Variants in CDK14 observed in about 807,000 individuals in gnomAD.
The protein encoded by CDK14 is cyclin dependent kinase 14.
In CDK14, 34 loss-of-function variants were observed where a neutral mutation model predicts 60.7. The observed-to-expected ratio is 0.56, with a 90% CI of 0.43 to 0.75. The LOEUF (loss-of-function observed/expected upper bound fraction) is 0.75, where lower values mean the gene tolerates loss of function less well. CDK14 is among the 30% of genes least tolerant of loss of function. The pLI, the probability that CDK14 is intolerant of heterozygous loss-of-function variation, is 0.00. For missense variants in CDK14, 482 were observed against 564.1 expected (o/e 0.85, Z 1.47); for synonymous variants, 197 against 203.7 (o/e 0.97, Z 0.28).
intron 9 of CDK14, among the ~76,000 whole-genome samples, chr7:90,968,747 A>T (rs1175159049): frequency 1.3e-5 from 2 of 152,160 alleles, no homozygotes; most frequent in African/African-American, 4.8e-5. Context: ...TGACCATTTT[A>T]TAACCTCTGA....
chr7:90,726,952 A>G (rs1802659458), intron 3 of CDK14, 140 bp downstream of exon 3: 1 of 951,114 alleles, frequency 1.1e-6, no homozygotes, highest in Admixed American at 2.6e-5. Context: ...AATGTTTTGG[A>G]AGAGAGAGAG....
chr7:90,788,371 C>G lies in CDK14; in HGVS notation c.465-2202C>G, dbSNP rs1001201321. Among the ~76,000 whole-genome samples the G allele has an allele frequency of 3.8e-4, 58 of 152,182 alleles. 1 individual carries two copies. Among genetic ancestry groups the G allele is most frequent in the African/African-American group, 1.4e-3 (57 of 41,444 alleles). ...TGAAGTGAAGAGTACAAGGTGCAGTCTCCAGCTGAACCCCATGTGCATAGT... is the reference window on the plus strand; with the variant it reads ...TGAAGTGAAGAGTACAAGGTGCAGTGTCCAGCTGAACCCCATGTGCATAGT... On this transcript the variant is annotated intron_variant, in intron 4 of 14. Transcript: ENST00000380050.
intron 2 of CDK14, among the ~76,000 whole-genome samples, chr7:90,637,355 A>G (rs1800178839): frequency 6.6e-6 from 1 of 152,008 alleles, no homozygotes; most frequent in Admixed American, 6.6e-5. Context: ...TGTTGGTTTC[A>G]AAGAACATCT....
intron 8 of CDK14, among the ~76,000 whole-genome samples, chr7:90,940,925 T>A (rs996737264): frequency 6.6e-6 from 1 of 152,080 alleles, no homozygotes; most frequent in African/African-American, 2.4e-5. Flanking sequence ...TTCTGAAAAA[T>A]AACCAATGGC....
intron 4 of CDK14, among the ~76,000 whole-genome samples, chr7:90,756,228 A>C (rs1365646338): frequency 6.6e-6 from 1 of 152,228 alleles, no homozygotes; most frequent in Non-Finnish European, 1.5e-5. Context: ...AAATAGAAGC[A>C]AACACTATTT....
intron 9 of CDK14, among the ~76,000 whole-genome samples, 158 bp from the exon 10 acceptor site, chr7:90,983,990 C>T (rs1443527300): frequency 6.6e-6 from 1 of 152,168 alleles, no homozygotes; most frequent in East Asian, 1.9e-4. Flanking sequence ...AACAAACCTG[C>T]ACGTGTACCC....
At chr7:91,027,472 A>G (rs1470474355) in intron 10 of CDK14, among the ~76,000 whole-genome samples, 2 of 151,928 alleles carry the variant, frequency 1.3e-5, no homozygotes, top group African/African-American at 2.4e-5. Context: ...CTCATTTTCA[A>G]CTCTATGTAA....
chr7:90,996,113 T>A (rs1298030067), intron 10 of CDK14, among the ~76,000 whole-genome samples: 2 of 152,186 alleles, frequency 1.3e-5, no homozygotes, highest in Non-Finnish European at 2.9e-5. Context: ...TCCCTTATAA[T>A]GAGGATATTC....
intron 11 of CDK14, among the ~76,000 whole-genome samples, chr7:91,073,249 G>C (rs776633576): frequency 2.6e-5 from 4 of 152,124 alleles, no homozygotes; most frequent in Non-Finnish European, 5.9e-5. Flanking sequence ...GTTAAGGGCA[G>C]CCAGAGAGAA....
At chr7:90,604,886 T>C (rs1357531003) in intron 2 of CDK14, among the ~76,000 whole-genome samples, 6 of 152,256 alleles carry the variant, frequency 3.9e-5, no homozygotes, top group Admixed American at 2.6e-4. Context: ...AAATAGTGAA[T>C]GTTTACAAAA....
At chr7:91,061,808 C>T (rs1797802184) in intron 11 of CDK14, among the ~76,000 whole-genome samples, 1 of 152,210 alleles carries the variant, frequency 6.6e-6, no homozygotes. Flanking sequence ...CAGTCTGCCC[C>T]TACTCGGGGG....
intron 4 of CDK14, among the ~76,000 whole-genome samples, chr7:90,771,778 C>T (rs1383652979): frequency 6.6e-6 from 1 of 152,184 alleles, no homozygotes; most frequent in Non-Finnish European, 1.5e-5. Context: ...TGGACATTGT[C>T]ACTCTGGTCA....
At chr7:90,814,519 A>T (rs1218704735) in intron 5 of CDK14, among the ~76,000 whole-genome samples, 1 of 152,246 alleles carries the variant, frequency 6.6e-6, no homozygotes, top group East Asian at 1.9e-4. Context: ...GTGGTGGCTC[A>T]ATCCTGTAAT....
intron 2 of CDK14, among the ~76,000 whole-genome samples, chr7:90,664,801 A>G (rs1800939419): frequency 6.7e-6 from 1 of 150,096 alleles, no homozygotes; most frequent in African/African-American, 2.5e-5. Context: ...GGGTGGGGGG[A>G]AGGGGGAGGG....
intron 6 of CDK14, among the ~76,000 whole-genome samples, chr7:90,886,939 G>T (rs543539428): frequency 6.6e-6 from 1 of 152,272 alleles, no homozygotes; most frequent in Admixed American, 6.5e-5. Flanking sequence ...AAAGAGTGAT[G>T]AGTTGATTGT....
chr7:90,789,115 A>T (rs1433015582), intron 4 of CDK14, among the ~76,000 whole-genome samples: 2 of 152,210 alleles, frequency 1.3e-5, no homozygotes, highest in East Asian at 3.8e-4. Context: ...ATGGAATTAC[A>T]CATACAAGAA....
intron 12 of CDK14, among the ~76,000 whole-genome samples, chr7:91,099,247 A>G (rs1268239346): frequency 6.6e-6 from 1 of 152,112 alleles, no homozygotes; most frequent in African/African-American, 2.4e-5. Context: ...GATGGTGAAA[A>G]TGTTTTTCAT....
At chr7:91,058,404 C>T (rs1359587408) in intron 11 of CDK14, among the ~76,000 whole-genome samples, 1 of 152,160 alleles carries the variant, frequency 6.6e-6, no homozygotes, top group Admixed American at 6.5e-5. Context: ...TTATTTCCTT[C>T]CCCTGCCTGA....
At chr7:91,060,531 G>A (rs1797748429) in intron 11 of CDK14, among the ~76,000 whole-genome samples, 1 of 152,116 alleles carries the variant, frequency 6.6e-6, no homozygotes, top group Admixed American at 6.6e-5. Flanking sequence ...TTTTGCAGTG[G>A]CTGGTACCGA....
Sources: gnomAD v4.1 joint callset for allele counts (sites outside exome capture counted in the v4.1 genomes callset) on GRCh38, gnomAD v4.1.1 for gene constraint, MANE v1.5 for transcripts, NCBI Gene and HGNC (gene_info 2026-07-23, HGNC 2026-07-21) for gene names.